SLCO1A2: variants seen among roughly 807,000 people sequenced by gnomAD.
SLCO1A2 encodes OATP-1.
A neutral mutation model predicts 69.0 loss-of-function variants in SLCO1A2; 67 were observed. The ratio of observed to expected loss-of-function variants is 0.97; its 90% CI spans 0.80 to 1.19. The LOEUF is 1.19. Among genes scored for constraint, SLCO1A2 ranks in the 50% most tolerant of loss-of-function variants. SLCO1A2 has a pLI of 0.00. For synonymous variants in SLCO1A2, 260 were observed against 265.9 expected (o/e 0.98, Z 0.22); for missense variants, 787 against 793.7 (o/e 0.99, Z 0.10).
intron 2 of SLCO1A2, among the ~76,000 whole-genome samples, chr12:21,356,132 G>T (rs910072220): frequency 6.6e-6 from 1 of 151,942 alleles, no homozygotes; most frequent in East Asian, 1.9e-4. Flanking sequence ...AGTAACTAGC[G>T]CTGTGACTTT....
At chr12:21,343,797 G>A (rs1953156131) in intron 2 of SLCO1A2, among the ~76,000 whole-genome samples, 1 of 151,998 alleles carries the variant, frequency 6.6e-6, no homozygotes, top group South Asian at 2.1e-4. Flanking sequence ...TCATGCAAAG[G>A]GAAAATGTTA....
Position 21,393,017 on chromosome 12 carries a change from C to T in SLCO1A2, c.-190+1889G>A, listed in dbSNP as rs1384735221. Among the ~76,000 whole-genome samples, 4 of 117,082 alleles carry T rather than the reference C, an allele frequency of 3.4e-5. No homozygotes were observed. The East Asian group carries it at 1.1e-3, about 33-fold the overall frequency. The allele number at this position is 117,082 out of a possible 152,430, so 76.8% of individuals were successfully genotyped here. A position where few individuals can be genotyped will look rare whatever the true frequency, so the allele number is the denominator to read the frequency against. ...AAATCTTACTGTGGCACATTTCATC[C>T]TCCTCTCCTATTATCAATAATTCAT... On this transcript the variant is annotated intron_variant, in intron 1 of 15. Transcript: ENST00000307378.
rs1403724134 is a variant in SLCO1A2, at chr12:21,314,684, A to C, written c.203-3T>G. The C allele has an allele frequency of 6.3e-7, 1 of 1,592,072 alleles. No homozygotes were observed. Among genetic ancestry groups the C allele is most frequent in the Non-Finnish European group, 8.6e-7 (1 of 1,161,134 alleles). Reference sequence around the variant, plus strand: ...AAATATAATCAACAAAAGATTTCCTAGGAAAAAATTGAGAATAATCATTTT... The same window carrying C: ...AAATATAATCAACAAAAGATTTCCTCGGAAAAAATTGAGAATAATCATTTT... On this transcript the variant is annotated splice_polypyrimidine_tract_variant and splice_region_variant and intron_variant, in intron 3 of 14. Coordinates refer to ENST00000683939, the MANE Select transcript of SLCO1A2 (RefSeq NM_001386879.1).
intron 5 of SLCO1A2, 39 bp downstream of exon 5, chr12:21,306,843 A>C: frequency 7.3e-7 from 1 of 1,361,426 alleles, no homozygotes; most frequent in Non-Finnish European, 1.1e-6. Context: ...TTTAGTTATA[A>C]GTTCGCTGAA....
chr12:21,386,897 A>G (rs554641976), intron 1 of SLCO1A2, among the ~76,000 whole-genome samples: 3 of 152,218 alleles, frequency 2.0e-5, no homozygotes, highest in Non-Finnish European at 4.4e-5. Flanking sequence ...AGACAGGAAA[A>G]TGTTGGAAAG....
At chr12:21,326,547 G>A (rs1157451621) in intron 2 of SLCO1A2, among the ~76,000 whole-genome samples, 1 of 152,204 alleles carries the variant, frequency 6.6e-6, no homozygotes, top group Non-Finnish European at 1.5e-5. Flanking sequence ...TGCTGATAAT[G>A]ATATGGACAA....
chr12:21,296,769 C>T (rs940590616), intron 9 of SLCO1A2, among the ~76,000 whole-genome samples: 9 of 152,190 alleles, frequency 5.9e-5, no homozygotes, highest in African/African-American at 1.7e-4. Flanking sequence ...CAGAGCCCCA[C>T]GCCCTAGAGT....
At position 21,310,759 on chromosome 12, in the gene SLCO1A2, C is replaced by T. The variant is rs1241589308; in HGVS notation, c.336-3771G>A. 2.6e-5 allele frequency among the ~76,000 whole-genome samples: 4 copies of T among 152,180 alleles called. No homozygotes were observed. In the East Asian group the frequency reaches 5.8e-4, roughly 22 times the overall value. On this transcript the variant is annotated intron_variant, in intron 4 of 14. Transcript: ENST00000683939. ...CTGGGACTACAGGTGCCAACCACCA[C>T]GCCTGGCTCATTTTTTTGTGTTTTT... is the stretch of plus-strand genomic sequence containing the variant.
At chr12:21,376,818 T>C (rs1009349711) in intron 1 of SLCO1A2, among the ~76,000 whole-genome samples, 2 of 152,150 alleles carry the variant, frequency 1.3e-5, no homozygotes, top group African/African-American at 4.8e-5. Flanking sequence ...CACTGGCTCC[T>C]GGACATTGAG....
chr12:21,276,934 T>C (rs895521072), intron 12 of SLCO1A2, among the ~76,000 whole-genome samples: 1 of 152,190 alleles, frequency 6.6e-6, no homozygotes, highest in Non-Finnish European at 1.5e-5. Flanking sequence ...GCAAACGTGC[T>C]CTCCCTAAAT....
rs1258419244 is a variant in SLCO1A2 at position 21,297,538 on chromosome 12, C to T, written c.941G>A (p.Cys314Tyr). ...DFLPFMKSLS[C>Y]NPIYMLFILV... is the part of the protein sequence containing the mutation. ...TATGAAAAGCATATAAATTGGATTG[C>T]AGGAAAGACTTTTCATGAAAGGTAG... is the stretch of plus-strand genomic sequence containing the variant. The change falls in exon 9 of 15, where the codon TGC becomes TAC. Residue 314 changes from cysteine to tyrosine, a missense_variant. Transcript: ENST00000683939. 1 of 1,579,332 alleles carries T rather than the reference C, an allele frequency of 6.3e-7. No individual in the cohort carries two copies. Among genetic ancestry groups the T allele is most frequent in the Non-Finnish European group, 8.6e-7 (1 of 1,157,112 alleles).
In SLCO1A2 at chr12:21,266,800, A is replaced by T. The variant is rs1942110015; in HGVS notation, c.*2748T>A. 1 of 152,162 alleles carries T rather than the reference A, an allele frequency of 6.6e-6. No individual in the cohort carries two copies. Among genetic ancestry groups the T allele is most frequent in the Non-Finnish European group, 1.5e-5 (1 of 68,032 alleles). 9.4% of individuals were successfully genotyped at this position (152,162 alleles called of 1,614,324 possible). On this transcript the variant is annotated 3_prime_UTR_variant, in exon 15 of 15. Transcript: ENST00000683939. ...ACATTTCATTGCTTTGCAATAAAAA[A>T]TTAATTAAAATAAAACCATAGGTGG...
At chr12:21,345,688 A>C (rs932911607) in intron 2 of SLCO1A2, among the ~76,000 whole-genome samples, 2 of 152,162 alleles carry the variant, frequency 1.3e-5, no homozygotes, top group African/African-American at 4.8e-5. Context: ...ATCACAAATT[A>C]TGCTTTCTTA....
intron 12 of SLCO1A2, among the ~76,000 whole-genome samples, chr12:21,287,534 T>A (rs1372620239): frequency 6.9e-6 from 1 of 145,648 alleles, no homozygotes; most frequent in African/African-American, 2.6e-5. Flanking sequence ...CGACTATAAA[T>A]CATGCTGCTA....
chr12:21,410,279 A>AAGAG (rs200241760), intron 1 of SLCO1A2, among the ~76,000 whole-genome samples: 1 of 150,870 alleles, frequency 6.6e-6, no homozygotes, highest in African/African-American at 2.4e-5. Flanking sequence ...CATATTCCTA[A>AAGAG]AGAGAGAGAG....
chr12:21,299,872 G>A (rs1591812589), intron 8 of SLCO1A2, among the ~76,000 whole-genome samples: 1 of 104,604 alleles, frequency 9.6e-6, no homozygotes, highest in African/African-American at 3.3e-5. Flanking sequence ...ATATACGTGT[G>A]TGTATATATA....
At chr12:21,290,601 G>A (rs544006459) in intron 12 of SLCO1A2, among the ~76,000 whole-genome samples, 11 of 152,054 alleles carry the variant, frequency 7.2e-5, no homozygotes, top group Non-Finnish European at 1.2e-4. Context: ...TTTATTATTC[G>A]GAGAAAAATA....
intron 8 of SLCO1A2, among the ~76,000 whole-genome samples, chr12:21,298,698 G>A (rs1030258772): frequency 7.2e-5 from 11 of 152,220 alleles, no homozygotes; most frequent in African/African-American, 2.4e-4. Flanking sequence ...AGTTTCAGTA[G>A]CACAAGTTTC....
chr12:21,288,493 AG>A (rs1185989888), intron 12 of SLCO1A2, among the ~76,000 whole-genome samples: 5 of 152,116 alleles, frequency 3.3e-5, no homozygotes, highest in African/African-American at 9.7e-5. Context: ...AGAGAGCAGA[AG>A]GGTTGTTACC....
Sources: allele counts gnomAD v4.1 joint callset (sites outside exome capture counted in the v4.1 genomes callset), GRCh38; gene constraint gnomAD v4.1.1; transcripts MANE v1.5; gene names NCBI Gene and HGNC (gene_info 2026-07-23, HGNC 2026-07-21).